Variants in THG1L observed in about 807,000 individuals in gnomAD.
The protein encoded by THG1L is tRNA-histidine guanylyltransferase 1 like, also known as probable tRNA(His) guanylyltransferase.
Under a neutral mutation model 35.2 loss-of-function variants are expected in THG1L, and 27 were observed. The observed-to-expected ratio is 0.77, with a 90% CI of 0.57 to 1.06. The LOEUF (loss-of-function observed/expected upper bound fraction) is 1.06, where lower values mean the gene tolerates loss of function less well. Among genes scored for constraint, THG1L ranks in the 50% least tolerant of loss-of-function variants. The pLI is 0.00. For missense variants in THG1L, 377 were observed against 371.8 expected (o/e 1.01, Z -0.12); for synonymous variants, 135 against 132.4 (o/e 1.02, Z -0.14).
intron 1 of THG1L, 89 bp from the exon 2 acceptor site, chr5:157,732,779 C>T: frequency 1.3e-6 from 2 of 1,486,554 alleles, no homozygotes; most frequent in Non-Finnish European, 9.2e-7. Flanking sequence ...ACATTATCTT[C>T]CTCCAAACAG....
rs1274030685 is a variant in THG1L, at chr5:157,739,381, G to A, written c.796G>A (p.Ala266Thr). 34 of 1,613,698 alleles carry A rather than the reference G, an allele frequency of 2.1e-5. No individual in the cohort carries two copies. The highest frequency in any genetic ancestry group is 2.7e-5 in the African/African-American group (2 of 74,896). ...LPTEMEGKKM[A>T]VTRTRTKPVP... ...AACAGAAATGGAAGGAAAAAAGATG[G>A]CAGTGACCCGGACCAGGACAAAGCC... The change falls in exon 6 of 6, where the codon GCA becomes ACA. Residue 266 changes from alanine to threonine, a missense_variant. Physicochemically the swap from Ala to Thr is moderately conservative, Grantham distance 58. Coordinates refer to ENST00000231198, the MANE Select transcript of THG1L (RefSeq NM_017872.5).
intron 4 of THG1L, 81 bp from the exon 5 acceptor site, chr5:157,737,806 A>C: frequency 9.4e-7 from 1 of 1,060,156 alleles, no homozygotes; most frequent in Non-Finnish European, 1.4e-6. Flanking sequence ...GTGGAAATTT[A>C]GGTTGTGGGT....
At chr5:157,732,226 AAAAAAAAAAAAAAAAAAAGAGAG>A (rs1385678379) in intron 1 of THG1L, among the ~76,000 whole-genome samples, 2 of 114,228 alleles carry the variant, frequency 1.8e-5, no homozygotes, top group African/African-American at 6.7e-5. Flanking sequence ...AAAAAAAAAA[AAAAAAAAAAAAAAAAAAAGAGAG>A]AGAGAGAGAG....
chr5:157,738,580 A>AT, intron 5 of THG1L: 1 of 416,358 alleles, frequency 2.4e-6, no homozygotes, highest in Non-Finnish European at 4.6e-6. Context: ...TTCCATGTAA[A>AT]GTTTTTTTGT....
At position 157,734,728 on chromosome 5, in the gene THG1L, G is replaced by A; in HGVS notation, c.521G>A (p.Ser174Asn). 3 of 1,614,126 alleles carry A rather than the reference G, an allele frequency of 1.9e-6. No homozygotes were observed. Among genetic ancestry groups the A allele is most frequent in the Non-Finnish European group, 2.5e-6 (3 of 1,180,034 alleles). ...AACCAGACTTTAAAGGACTACCTCA[G>A]CTGGCGACAAGCAGATTGTGAGTGG... ...PSNQTLKDYL[S>N]WRQADCHINN... Residue 174 changes from serine to asparagine, a missense_variant, in exon 3 of 6, where the codon AGC becomes AAC. Transcript: ENST00000231198.
intron 3 of THG1L, among the ~76,000 whole-genome samples, chr5:157,735,027 T>C (rs530791766): frequency 6.6e-6 from 1 of 152,040 alleles, no homozygotes; most frequent in Non-Finnish European, 1.5e-5. Flanking sequence ...AACCTCCACC[T>C]CCTGGGTTCA....
intron 5 of THG1L, chr5:157,738,700 G>A (rs1037410628): frequency 7.3e-6 from 3 of 413,660 alleles, no homozygotes; most frequent in Non-Finnish European, 9.3e-6. Flanking sequence ...TTATTCTTTG[G>A]TACAGACTTG....
chr5:157,734,827 A>C, intron 3 of THG1L, 82 bp downstream of exon 3: 6 of 1,513,076 alleles, frequency 4.0e-6, no homozygotes, highest in Non-Finnish European at 4.5e-6. Flanking sequence ...GGATTGGCTC[A>C]CATATACTTT....
chr5:157,735,208 G>A (rs1760839056), intron 3 of THG1L, among the ~76,000 whole-genome samples: 1 of 152,194 alleles, frequency 6.6e-6, no homozygotes, highest in Non-Finnish European at 1.5e-5. Context: ...AAAGTGCTGG[G>A]ATTATAGGCG....
Position 157,734,537 on chromosome 5 carries a change from CTT to C in THG1L, c.369-35_369-34del, listed in dbSNP as rs1055761819. ...TGTTGAACTAATTCCGTGTATTTTT[CTT>C]TTTCTTACTCCACCCAATGTGCGTT... On this transcript the variant is annotated intron_variant, in intron 2 of 5. Coordinates refer to ENST00000231198, the MANE Select transcript of THG1L (RefSeq NM_017872.5). 19 of 1,608,164 alleles carry C rather than the reference CTT, an allele frequency of 1.2e-5. No homozygotes were observed. The African/African-American group carries it at 1.9e-4, about 16-fold the overall frequency.
intron 2 of THG1L, among the ~76,000 whole-genome samples, chr5:157,733,785 A>C (rs1760795229): frequency 6.6e-6 from 1 of 152,072 alleles, no homozygotes. Context: ...CAGCCTGGGC[A>C]AGATGGTGAG....
At chr5:157,734,521 A>T in intron 2 of THG1L, 55 bp from the exon 3 acceptor site, 1 of 1,599,984 alleles carries the variant, frequency 6.3e-7, no homozygotes, top group Admixed American at 1.7e-5. Flanking sequence ...GTGTTGAACT[A>T]ATTCCGTGTA....
intron 4 of THG1L, among the ~76,000 whole-genome samples, chr5:157,736,620 A>G (rs1385369609): frequency 1.3e-5 from 2 of 152,118 alleles, no homozygotes; most frequent in Non-Finnish European, 2.9e-5. Flanking sequence ...CCTGCTGGGC[A>G]CCTGTAGTTT....
chr5:157,734,885 A>T, intron 3 of THG1L, 140 bp downstream of exon 3: 2 of 944,350 alleles, frequency 2.1e-6, no homozygotes, highest in Non-Finnish European at 1.5e-6. Flanking sequence ...ATATTTTTTC[A>T]ATTAGTTAAA....
At chr5:157,731,686 G>C (rs1760724770) in intron 1 of THG1L, 55 bp downstream of exon 1, 2 of 1,545,254 alleles carry the variant, frequency 1.3e-6, no homozygotes, top group Non-Finnish European at 1.7e-6. Context: ...GGGGAATCCA[G>C]CTTCTTCCCT....
In THG1L at chr5:157,732,916, C is replaced by T. The variant is rs751888841; in HGVS notation, c.240C>T (p.Leu80=). 3.7e-6 allele frequency: 6 copies of T among 1,614,222 alleles called. No individual in the cohort carries two copies. In the South Asian group the frequency reaches 4.4e-5, roughly 12 times the overall value. ...CAAAACCCAATGACAGCCGTGCTCT[C>T]CAGCTGATGACCAAATGTGCGCAGA... ...NFAKPNDSRA[L]QLMTKCAQTV... is the part of the protein sequence containing the mutation. Residue 80 remains leucine (L), a synonymous_variant, in exon 2 of 6, where the codon CTC becomes CTT. Transcript: ENST00000231198.
chr5:157,732,859 C>A lies in THG1L; in HGVS notation c.192-9C>A. Reference sequence around the variant, plus strand: ...CATCCATGCTTTCTTCCCTTTTTCCCCTGTGAAGGTTTGCTGAGAAGCACA... The same window carrying A: ...CATCCATGCTTTCTTCCCTTTTTCCACTGTGAAGGTTTGCTGAGAAGCACA... On this transcript the variant is annotated splice_polypyrimidine_tract_variant and intron_variant, in intron 1 of 5. Transcript: ENST00000231198. 1 of 1,613,720 alleles carries A rather than the reference C, an allele frequency of 6.2e-7. No individual in the cohort carries two copies. Among genetic ancestry groups the A allele is most frequent in the South Asian group, 1.1e-5 (1 of 91,058 alleles).
chr5:157,733,102 T>C, intron 2 of THG1L, 58 bp downstream of exon 2: 2 of 1,592,298 alleles, frequency 1.3e-6, no homozygotes, highest in South Asian at 2.2e-5. Context: ...TCTGGTTTTC[T>C]GTTTATCTTA....
At chr5:157,735,672 C>G (rs754914187) in intron 3 of THG1L, among the ~76,000 whole-genome samples, 174 bp from the exon 4 acceptor site, 3 of 152,166 alleles carry the variant, frequency 2.0e-5, no homozygotes, top group Non-Finnish European at 4.4e-5. Flanking sequence ...AGTTTTTTCC[C>G]TACTGCTCCT....
Sources: allele counts gnomAD v4.1 joint callset (sites outside exome capture counted in the v4.1 genomes callset), GRCh38; gene constraint gnomAD v4.1.1; transcripts MANE v1.5; gene names NCBI Gene and HGNC (gene_info 2026-07-23, HGNC 2026-07-21).